ABHD3: variants seen among roughly 807,000 people sequenced by gnomAD.
ABHD3 encodes the protein abhydrolase domain containing 3, phospholipase.
In ABHD3, 46 loss-of-function variants were observed where a neutral mutation model predicts 48.8. The observed-to-expected ratio is 0.94, with a 90% CI of 0.74 to 1.20. The LOEUF (loss-of-function observed/expected upper bound fraction) is 1.20. Ranked by LOEUF, ABHD3 falls within the 50% of genes most tolerant of loss-of-function variation. The pLI is 0.00. For synonymous variants in ABHD3, 192 were observed against 183.7 expected (o/e 1.04, Z -0.36); for missense variants, 490 against 497.8 (o/e 0.98, Z 0.15).
At chr18:21,696,959 T>C (rs1273394105) in intron 3 of ABHD3, among the ~76,000 whole-genome samples, 1 of 152,156 alleles carries the variant, frequency 6.6e-6, no homozygotes, top group African/African-American at 2.4e-5. Flanking sequence ...GCTTAGCAAC[T>C]TTCTCCTCTT....
chr18:21,651,637 T>C lies in ABHD3; in HGVS notation c.1184A>G (p.Lys395Arg), dbSNP rs761456756. The change falls in exon 9 of 9, where the codon AAG becomes AGG. Residue 395 changes from lysine (K) to arginine (R), a missense_variant. By Grantham distance (26) the Lys-to-Arg change is conservative. Coordinates refer to ENST00000289119, the MANE Select transcript of ABHD3 (RefSeq NM_138340.5). ...RQSTYMDRVFKQFVQAMVEHG... is the reference protein window; with the variant it reads ...RQSTYMDRVFRQFVQAMVEHG... ...CTCAACCATGGCTTGCACAAATTGC[T>C]TGAAGACACGATCCATGTAAGTGGA... 6.2e-7 allele frequency: 1 copy of C among 1,614,132 alleles called. No individual in the cohort carries two copies. Among genetic ancestry groups the C allele is most frequent in the Non-Finnish European group, 8.5e-7 (1 of 1,180,020 alleles).
rs761954434 is a variant in ABHD3, at chr18:21,703,718, ACT to A, written c.190_191del (p.Ser64PhefsTer32). 1 of 1,613,754 alleles carries A rather than the reference ACT, an allele frequency of 6.2e-7. No individual in the cohort carries two copies. The highest frequency in any genetic ancestry group is 1.1e-5 in the South Asian group (1 of 91,056). On this transcript the variant is annotated frameshift_variant, in exon 2 of 9. Coordinates refer to ENST00000289119, the MANE Select transcript of ABHD3 (RefSeq NM_138340.5). LOFTEE classifies it high-confidence loss of function. ...KKPQLVTGGE[S>X]FSRFLQDHCP... ...AGTGGTCTTGAAGGAAGCGGCTGAAACTCTCACCCCCGGTCACTAACTGGGGT... is the reference window on the plus strand; with the variant it reads ...AGTGGTCTTGAAGGAAGCGGCTGAAACTCACCCCCGGTCACTAACTGGGGT...
intron 8 of ABHD3, chr18:21,655,056 G>A (rs1420451444): frequency 6.6e-6 from 1 of 152,038 alleles, no homozygotes; most frequent in African/African-American, 2.4e-5. Flanking sequence ...TTGTGGTCAA[G>A]GCTGTAAGTT....
At chr18:21,677,200 C>T (rs752741357) in intron 4 of ABHD3, among the ~76,000 whole-genome samples, 1 of 151,878 alleles carries the variant, frequency 6.6e-6, no homozygotes, top group Admixed American at 6.6e-5. Flanking sequence ...AGACTTCATT[C>T]CCTTTTTTTT....
intron 8 of ABHD3, among the ~76,000 whole-genome samples, chr18:21,653,843 C>CTT (rs759776288): frequency 7.3e-6 from 1 of 137,266 alleles, no homozygotes; most frequent in Non-Finnish European, 1.6e-5. Context: ...CTGCAGTAAA[C>CTT]TTTTTTTTTT....
At chr18:21,668,741 C>T (rs1433501281) in intron 4 of ABHD3, among the ~76,000 whole-genome samples, 2 of 152,110 alleles carry the variant, frequency 1.3e-5, no homozygotes, top group East Asian at 3.8e-4. Flanking sequence ...TTTCCCTAAA[C>T]GTTTTTCTCC....
At chr18:21,691,974 G>A (rs924171431) in intron 3 of ABHD3, among the ~76,000 whole-genome samples, 2 of 152,002 alleles carry the variant, frequency 1.3e-5, no homozygotes, top group South Asian at 2.1e-4. Flanking sequence ...TTTTTAAGAC[G>A]GAGTTTTGCT....
intron 4 of ABHD3, among the ~76,000 whole-genome samples, chr18:21,677,392 A>G (rs2146309549): frequency 6.8e-6 from 1 of 147,700 alleles, no homozygotes; most frequent in Non-Finnish European, 1.5e-5. Flanking sequence ...TTTTTAGTAG[A>G]GATAGGGTTT....
Position 21,695,086 on chromosome 18 carries a change from G to A in ABHD3, c.509+7230C>T, listed in dbSNP as rs573192274. 3.3e-5 allele frequency among the ~76,000 whole-genome samples: 5 copies of A among 152,142 alleles called. No homozygotes were observed. The South Asian group carries it at 1.0e-3, about 32-fold the overall frequency. On this transcript the variant is annotated intron_variant, in intron 3 of 8. Transcript: ENST00000289119. ...TCGCTCTTGTCATCCAGGCTGGAGT[G>A]CAATGGAGCAATCTCAACTCACTGC...
In ABHD3 at chr18:21,704,485, T is replaced by C; in HGVS notation, c.162+19A>G. Reference sequence around the variant, plus strand: ...CTCCTGGCCCAGCAGCCCGCGGCCCTGCGCCACCCCCGGCTCACCTTGGCA... The same window carrying C: ...CTCCTGGCCCAGCAGCCCGCGGCCCCGCGCCACCCCCGGCTCACCTTGGCA... On this transcript the variant is annotated intron_variant, in intron 1 of 8. Transcript: ENST00000289119. 4 of 1,390,476 alleles carry C rather than the reference T, an allele frequency of 2.9e-6. No individual in the cohort carries two copies. The highest frequency in any genetic ancestry group is 1.6e-5 in the South Asian group (1 of 61,272). The allele number at this position is 1,390,476 out of a possible 1,614,324, so 86.1% of individuals were successfully genotyped here.
intron 4 of ABHD3, among the ~76,000 whole-genome samples, chr18:21,680,848 T>A (rs2039988503): frequency 7.5e-6 from 1 of 133,060 alleles, no homozygotes; most frequent in Admixed American, 7.6e-5. Context: ...TTTTTCTTTT[T>A]CAAATGTGTG....
chr18:21,683,498 AG>A, intron 4 of ABHD3: 1 of 509,708 alleles, frequency 2.0e-6, no homozygotes, highest in South Asian at 1.5e-5. Flanking sequence ...TTAATTTTTA[AG>A]GAAAATGTGT....
At chr18:21,684,713 G>A (rs964830680) in intron 3 of ABHD3, among the ~76,000 whole-genome samples, 1 of 152,118 alleles carries the variant, frequency 6.6e-6, no homozygotes, top group Non-Finnish European at 1.5e-5. Context: ...CTAAGAAACA[G>A]CTCTTGTTCT....
intron 2 of ABHD3, among the ~76,000 whole-genome samples, chr18:21,703,245 T>G (rs73963238): frequency 0.21 from 24,266 of 117,522 alleles, 2,341 homozygotes; most frequent in Middle Eastern, 0.34. Flanking sequence ...CTGCTACTTA[T>G]CAATGAATGA....
intron 2 of ABHD3, among the ~76,000 whole-genome samples, chr18:21,703,055 T>A (rs2040547314): frequency 6.6e-6 from 1 of 152,230 alleles, no homozygotes; most frequent in Admixed American, 6.5e-5. Context: ...TAAGGGAAAT[T>A]AATAACAGGC....
At chr18:21,676,780 AT>A (rs2039893807) in intron 4 of ABHD3, among the ~76,000 whole-genome samples, 1 of 152,116 alleles carries the variant, frequency 6.6e-6, no homozygotes, top group African/African-American at 2.4e-5. Flanking sequence ...CACAGGATAC[AT>A]TTTGGGCAGT....
At chr18:21,697,365 G>A (rs2040394796) in intron 3 of ABHD3, among the ~76,000 whole-genome samples, 1 of 151,356 alleles carries the variant, frequency 6.6e-6, no homozygotes, top group Admixed American at 6.6e-5. Context: ...GAGCTACCGT[G>A]CCCAGCCTAT....
intron 3 of ABHD3, chr18:21,701,241 T>C (rs1236139562): frequency 6.6e-6 from 1 of 150,428 alleles, no homozygotes; most frequent in Non-Finnish European, 1.5e-5. Context: ...TTGCCCAAGG[T>C]GTCACTCTGT....
chr18:21,693,795 T>C (rs1287194172), intron 3 of ABHD3, among the ~76,000 whole-genome samples: 1 of 152,216 alleles, frequency 6.6e-6, no homozygotes, highest in Non-Finnish European at 1.5e-5. Flanking sequence ...AACAACAAAA[T>C]GAGTTACTGA....
Sources: gnomAD v4.1 joint callset for allele counts (sites outside exome capture counted in the v4.1 genomes callset) on GRCh38, gnomAD v4.1.1 for gene constraint, MANE v1.5 for transcripts, NCBI Gene and HGNC (gene_info 2026-07-23, HGNC 2026-07-21) for gene names.